ADGRV1: variants seen among roughly 807,000 people sequenced by gnomAD.
ADGRV1 encodes the protein adhesion G protein-coupled receptor V1.
ADGRV1 carries 359 observed loss-of-function variants against 596.2 expected under a neutral mutation model. The ratio of observed to expected loss-of-function variants is 0.60; its 90% CI spans 0.55 to 0.66. The LOEUF is 0.66. Ranked by LOEUF, ADGRV1 falls within the 30% of genes least tolerant of loss-of-function variation. ADGRV1 has a pLI of 0.00. For synonymous variants in ADGRV1, 2,681 were observed against 2,679.2 expected (o/e 1.00, Z -0.02); for missense variants, 7,274 against 7,575.6 (o/e 0.96, Z 1.48).
At chr5:90,988,945 C>G (rs528590554) in intron 85 of ADGRV1, among the ~76,000 whole-genome samples, 82 of 93,102 alleles carry the variant, frequency 8.8e-4, no homozygotes, top group Non-Finnish European at 1.6e-3. Context: ...CCAGCTTCAT[C>G]CATGTCCCTA....
intron 84 of ADGRV1, among the ~76,000 whole-genome samples, chr5:90,980,673 T>C (rs1780005672): frequency 6.6e-6 from 1 of 152,196 alleles, no homozygotes; most frequent in Non-Finnish European, 1.5e-5. Context: ...AAGCTATGTT[T>C]AGTTAGCATG....
intron 86 of ADGRV1, among the ~76,000 whole-genome samples, chr5:91,083,584 C>T (rs189060862): frequency 3.2e-4 from 49 of 152,168 alleles, no homozygotes; most frequent in African/African-American, 1.1e-3. Context: ...ATCACTGGGC[C>T]AGAGGCGGTA....
At chr5:90,867,535 C>T (rs1031386198) in intron 83 of ADGRV1, among the ~76,000 whole-genome samples, 1 of 152,152 alleles carries the variant, frequency 6.6e-6, no homozygotes, top group African/African-American at 2.4e-5. Context: ...AAAGATTCTG[C>T]TTTAATCTGG....
intron 85 of ADGRV1, among the ~76,000 whole-genome samples, chr5:91,066,139 G>A (rs1203346004): frequency 6.6e-6 from 1 of 152,208 alleles, no homozygotes; most frequent in Non-Finnish European, 1.5e-5. Flanking sequence ...TCTGCCAGAT[G>A]TGTTCTTGAA....
intron 83 of ADGRV1, among the ~76,000 whole-genome samples, chr5:90,866,313 A>ATGTGTGTGTGTGTGTGTGTG (rs768538026): frequency 1.3e-3 from 27 of 20,512 alleles, no homozygotes; most frequent in African/African-American, 2.5e-3. Flanking sequence ...GTGTATGTGT[A>ATGTGTGTGTGTGTGTGTGTG]TATGTGTGTG....
Position 90,672,682 on chromosome 5 carries a change from C to T in ADGRV1, c.4889C>T (p.Ala1630Val). Reference sequence around the variant, plus strand: ...TACCTTGTTGATGACTTTGCTAATGCCAGTGGAACTATTACATTCCTTCCT... The same window carrying T: ...TACCTTGTTGATGACTTTGCTAATGTCAGTGGAACTATTACATTCCTTCCT... ...INYLVDDFAN[A>V]SGTITFLPWQ... The change falls in exon 22 of 90, where the codon GCC becomes GTC. Residue 1630 changes from alanine to valine, a missense_variant. By Grantham distance (64) the Ala-to-Val change is moderately conservative. Around this residue, in one of 5 missense-constraint regions of ADGRV1, gnomAD observed 3,643 missense variants for 3,809.2 expected, o/e 0.96. Transcript: ENST00000405460. 6.2e-7 allele frequency: 1 copy of T among 1,613,348 alleles called. No homozygotes were observed.
chr5:90,974,379 C>G (rs993065513), intron 84 of ADGRV1, among the ~76,000 whole-genome samples: 4 of 152,152 alleles, frequency 2.6e-5, no homozygotes, highest in Non-Finnish European at 5.9e-5. Flanking sequence ...CACGAAAGAG[C>G]CTGCACTGCC....
At chr5:90,823,028 G>T (rs931698595) in intron 75 of ADGRV1, among the ~76,000 whole-genome samples, 2 of 152,126 alleles carry the variant, frequency 1.3e-5, no homozygotes, top group Non-Finnish European at 2.9e-5. Flanking sequence ...GGAGATTCTG[G>T]GCTGAGATGA....
At chr5:90,982,514 T>A (rs1279871497) in intron 84 of ADGRV1, among the ~76,000 whole-genome samples, 5 of 152,224 alleles carry the variant, frequency 3.3e-5, no homozygotes, top group Non-Finnish European at 5.9e-5. Flanking sequence ...GTTAACTAAG[T>A]TGAGCTAATG....
At position 90,653,390 on chromosome 5, in the gene ADGRV1, G is replaced by C; in HGVS notation, c.3816G>C (p.Leu1272Phe). The change falls in exon 20 of 90, where the codon TTG becomes TTC. Residue 1272 changes from leucine (L) to phenylalanine (F), a missense_variant. By Grantham distance (22) the Leu-to-Phe change is conservative (BLOSUM62 0). This residue lies in a region of ADGRV1 where 1,715 missense variants were observed against 1,708.8 expected (regional missense o/e 1.00). Transcript: ENST00000405460. ...CTTATATTACCAACTTCACCATTTT[G>C]AGGCAGCAGGGTGTGTTTGGTGATG... is the stretch of plus-strand genomic sequence containing the variant. ...DMSYITNFTILRQQGVFGDVQ... is the reference protein window; with the variant it reads ...DMSYITNFTIFRQQGVFGDVQ... The C allele has an allele frequency of 6.2e-7, 1 of 1,613,934 alleles. No individual in the cohort carries two copies. Among genetic ancestry groups the C allele is most frequent in the Non-Finnish European group, 8.5e-7 (1 of 1,179,878 alleles).
intron 1 of ADGRV1, among the ~76,000 whole-genome samples, chr5:90,585,355 A>G (rs1193799356): frequency 6.6e-6 from 1 of 152,138 alleles, no homozygotes; most frequent in Admixed American, 6.5e-5. Flanking sequence ...TCTGTGCATC[A>G]TCGTAAGTGT....
chr5:90,679,716 C>T (rs1207164066), intron 26 of ADGRV1, 87 bp downstream of exon 26: 2 of 804,046 alleles, frequency 2.5e-6, no homozygotes, highest in African/African-American at 1.7e-5. Context: ...CTTATTGACA[C>T]CTACTATGTG....
chr5:90,721,458 C>T (rs1222593301), intron 45 of ADGRV1, among the ~76,000 whole-genome samples: 3 of 150,002 alleles, frequency 2.0e-5, no homozygotes, highest in Non-Finnish European at 3.0e-5. Context: ...GAGCCGAGAT[C>T]GTGCCACTGC....
chr5:90,661,017 C>T (rs1561477154), intron 21 of ADGRV1, among the ~76,000 whole-genome samples: 1 of 152,094 alleles, frequency 6.6e-6, no homozygotes, highest in Non-Finnish European at 1.5e-5. Flanking sequence ...GTTTAGGGTC[C>T]TGGTGAGGCA....
chr5:90,787,026 A>C (rs1193201473), intron 67 of ADGRV1, among the ~76,000 whole-genome samples: 1 of 152,184 alleles, frequency 6.6e-6, no homozygotes, highest in Non-Finnish European at 1.5e-5. Context: ...AGCTTCCACC[A>C]TTTAGAGATC....
chr5:90,842,869 G>A (rs1581289000), intron 78 of ADGRV1, among the ~76,000 whole-genome samples: 1 of 152,000 alleles, frequency 6.6e-6, no homozygotes, highest in Admixed American at 6.6e-5. Context: ...ATGATATAAT[G>A]TACTCTCAAA....
At chr5:90,928,219 C>T (rs1220940194) in intron 83 of ADGRV1, among the ~76,000 whole-genome samples, 3 of 152,122 alleles carry the variant, frequency 2.0e-5, no homozygotes, top group African/African-American at 7.2e-5. Context: ...TAATATCCTG[C>T]AGAGTGTTTT....
chr5:91,004,463 T>C (rs943977285), intron 85 of ADGRV1, among the ~76,000 whole-genome samples: 5 of 152,246 alleles, frequency 3.3e-5, no homozygotes, highest in Middle Eastern at 3.4e-3. Flanking sequence ...AAATATCTTA[T>C]TCATCTGATT....
chr5:91,083,524 G>GT (rs200680747), intron 86 of ADGRV1, among the ~76,000 whole-genome samples: 1,749 of 151,984 alleles, frequency 0.012, 39 homozygotes, highest in African/African-American at 0.041. Flanking sequence ...TTTGTTTTTT[G>GT]TTTTTTGTTT....
Sources: allele counts gnomAD v4.1 joint callset (sites outside exome capture counted in the v4.1 genomes callset), GRCh38; gene constraint gnomAD v4.1.1; regional missense constraint gnomAD v4.1.1; transcripts MANE v1.5; gene names NCBI Gene and HGNC (gene_info 2026-07-23, HGNC 2026-07-21).